The following MTBP variants were observed in gnomAD, a reference collection of about 807,000 sequenced individuals.
The protein encoded by MTBP is MDM2 binding protein.
A neutral mutation model predicts 117.0 loss-of-function variants in MTBP; 101 were observed. The observed-to-expected ratio is 0.86, with a 90% CI of 0.73 to 1.02. MTBP has a LOEUF of 1.02. Ranked by LOEUF, MTBP falls within the 50% of genes least tolerant of loss-of-function variation. MTBP has a pLI of 0.00. For missense variants in MTBP, 970 were observed against 1,030.9 expected, an observed-to-expected ratio of 0.94 and a Z score of 0.81; for synonymous variants, 350 against 351.5, an observed-to-expected ratio of 1.00 and a Z score of 0.05.
chr8:120,506,764 G>A lies in MTBP; in HGVS notation c.1786G>A (p.Asp596Asn). 1 of 1,613,426 alleles carries A rather than the reference G, an allele frequency of 6.2e-7. No homozygotes were observed. Among genetic ancestry groups the A allele is most frequent in the African/African-American group, 1.3e-5 (1 of 74,964 alleles). ...GCTGGGCCACAAAGAGGGTCCTCGGGACTCAATCACATTGTTGGATGCTAA... is the reference window on the plus strand; with the variant it reads ...GCTGGGCCACAAAGAGGGTCCTCGGAACTCAATCACATTGTTGGATGCTAA... ...QLLGHKEGPRDSITLLDAKEL... is the reference protein window; with the variant it reads ...QLLGHKEGPRNSITLLDAKEL... Residue 596 changes from aspartate (D) to asparagine (N), a missense_variant, in exon 16 of 22, where the codon GAC (aspartate) becomes AAC (asparagine). Asp to Asn is a conservative substitution (Grantham distance 23, BLOSUM62 1). Transcript: ENST00000305949.
intron 4 of MTBP, chr8:120,452,723 G>A (rs1813381756): frequency 6.6e-6 from 1 of 151,714 alleles, no homozygotes; most frequent in Non-Finnish European, 1.5e-5. Flanking sequence ...TCAGCTACTC[G>A]GGAGCCTGAG....
rs1260856587 is a variant in MTBP at position 120,496,721 on chromosome 8, GA to G, written c.1448-663del. ...GATGTTCCATACAAAAAAAAAAAAAGAAAAAAAAATGCAAGCAGTGTTGCCT... is the reference window on the plus strand; with the variant it reads ...GATGTTCCATACAAAAAAAAAAAAAGAAAAAAAATGCAAGCAGTGTTGCCT... On this transcript the variant is annotated intron_variant, in intron 13 of 21. Transcript: ENST00000305949. 2.1e-3 allele frequency among the ~76,000 whole-genome samples: 300 copies of G among 142,662 alleles called. 2 individuals carry two copies. Among genetic ancestry groups the G allele is most frequent in the African/African-American group, 7.1e-3 (279 of 39,428 alleles). The allele number at this position is 142,662 out of a possible 152,430, so 93.6% of individuals were successfully genotyped here.
Position 120,470,835 on chromosome 8 carries a change from G to T in MTBP, c.1063G>T (p.Val355Leu). The T allele has an allele frequency of 2.5e-6, 4 of 1,606,198 alleles. No homozygotes were observed. The highest frequency in any genetic ancestry group is 3.4e-6 in the Non-Finnish European group (4 of 1,174,164). ...TTTTATTCAGGTTGGTGCTCTTTTT[G>T]TATTGCCATGTACCATTAGTAACAT... ...SLCSKVGALF[V>L]LPCTISNILI... The change falls in exon 11 of 22, where the codon GTA becomes TTA. Residue 355 changes from valine to leucine, a missense_variant. Transcript: ENST00000305949.
chr8:120,467,211 ATC>A (rs1813717793), intron 10 of MTBP, among the ~76,000 whole-genome samples: 1 of 152,230 alleles, frequency 6.6e-6, no homozygotes, highest in South Asian at 2.1e-4. Flanking sequence ...ATGTTCACTA[ATC>A]TTCTGGCTGG....
chr8:120,495,666 G>A (rs1439878947), intron 13 of MTBP, among the ~76,000 whole-genome samples: 1 of 151,710 alleles, frequency 6.6e-6, no homozygotes, highest in Non-Finnish European at 1.5e-5. Context: ...GTTTTGGGGG[G>A]ATATCTTCCA....
chr8:120,515,964 A>T lies in MTBP; in HGVS notation c.2019A>T (p.Gly673=), dbSNP rs770745687. The T allele has an allele frequency of 6.2e-7, 1 of 1,612,806 alleles. No homozygotes were observed. Among genetic ancestry groups the T allele is most frequent in the South Asian group, 1.1e-5 (1 of 91,014 alleles). Residue 673 remains glycine, a synonymous_variant, in exon 18 of 22, where the codon GGA becomes GGT. Coordinates refer to ENST00000305949, the MANE Select transcript of MTBP (RefSeq NM_022045.5). ...LDDRKALERD[G]GFSELQSRLI... ...ACCGAAAAGCTTTGGAAAGAGATGG[A>T]GGATTTTCTGAACTTCAGTCTCGTC... is the stretch of plus-strand genomic sequence containing the variant.
At chr8:120,504,548 GTATTT>G in intron 15 of MTBP, among the ~76,000 whole-genome samples, 1 of 151,962 alleles carries the variant, frequency 6.6e-6, no homozygotes, top group Non-Finnish European at 1.5e-5. Context: ...TCCTCAATAA[GTATTT>G]TATTTTGTCT....
chr8:120,497,559 GT>G lies in MTBP; in HGVS notation c.1609+11del, dbSNP rs1814496214. 1 of 1,417,138 alleles carries G rather than the reference GT, an allele frequency of 7.1e-7. No homozygotes were observed. The highest frequency in any genetic ancestry group is 9.5e-7 in the Non-Finnish European group (1 of 1,047,516). 87.8% of individuals were successfully genotyped at this position (1,417,138 alleles called of 1,614,324 possible). A position where few individuals can be genotyped will look rare whatever the true frequency, so the allele number is the denominator to read the frequency against. ...AAACCTTCAATATATTAAATGGTAA[GT>G]TTTTTATTACTTTAAATTTTAGTTC... On this transcript the variant is annotated splice_donor_region_variant and intron_variant, in intron 14 of 21. Coordinates refer to ENST00000305949, the MANE Select transcript of MTBP (RefSeq NM_022045.5).
At chr8:120,482,720 G>C (rs1814113849) in intron 11 of MTBP, among the ~76,000 whole-genome samples, 2 of 149,076 alleles carry the variant, frequency 1.3e-5, no homozygotes, top group Non-Finnish European at 3.0e-5. Flanking sequence ...CTTTTTTTGA[G>C]ACGGAGTCTT....
At chr8:120,475,913 C>A (rs1213000909) in intron 11 of MTBP, among the ~76,000 whole-genome samples, 1 of 151,938 alleles carries the variant, frequency 6.6e-6, no homozygotes, top group East Asian at 1.9e-4. Flanking sequence ...AAAATTGTAT[C>A]TCCCATTATT....
chr8:120,466,480 T>C (rs1813697395), intron 10 of MTBP, among the ~76,000 whole-genome samples: 1 of 151,128 alleles, frequency 6.6e-6, no homozygotes, highest in Admixed American at 6.6e-5. Context: ...CCTCCCAAAG[T>C]GCTGGCTTTA....
chr8:120,474,521 T>A (rs751783295), intron 11 of MTBP, among the ~76,000 whole-genome samples: 5 of 152,018 alleles, frequency 3.3e-5, no homozygotes, highest in Non-Finnish European at 5.9e-5. Context: ...TCCTACACCA[T>A]GACTCTGTTT....
At chr8:120,480,597 CCATGGAA>C (rs1814058530) in intron 11 of MTBP, among the ~76,000 whole-genome samples, 1 of 152,010 alleles carries the variant, frequency 6.6e-6, no homozygotes, top group African/African-American at 2.4e-5. Context: ...ATACATAGAT[CCATGGAA>C]CAGAATAGAG....
At chr8:120,464,844 T>C (rs1813655101) in intron 10 of MTBP, among the ~76,000 whole-genome samples, 1 of 152,090 alleles carries the variant, frequency 6.6e-6, no homozygotes, top group Admixed American at 6.5e-5. Context: ...TATTCTACTG[T>C]GTATGAGGTA....
chr8:120,490,644 C>T, intron 13 of MTBP, 74 bp downstream of exon 13: 2 of 846,384 alleles, frequency 2.4e-6, no homozygotes, highest in Non-Finnish European at 1.9e-6. Flanking sequence ...CCTTTATTTG[C>T]ACACTTTTTC....
intron 2 of MTBP, 98 bp downstream of exon 2, chr8:120,446,611 G>T: frequency 1.3e-6 from 1 of 778,650 alleles, no homozygotes; most frequent in Non-Finnish European, 2.2e-6. Flanking sequence ...AATACTTCTT[G>T]ACTGTGTACA....
chr8:120,498,402 A>G (rs1358237806), intron 14 of MTBP, among the ~76,000 whole-genome samples: 3 of 152,168 alleles, frequency 2.0e-5, no homozygotes, highest in African/African-American at 7.2e-5. Context: ...TGCTGGAGAC[A>G]TTTTTAGATT....
At position 120,468,031 on chromosome 8, in the gene MTBP, C is replaced by T. The variant is rs913791592; in HGVS notation, c.1048-2789C>T. 8.5e-5 allele frequency among the ~76,000 whole-genome samples: 13 copies of T among 152,088 alleles called. No individual in the cohort carries two copies. The South Asian group carries it at 1.7e-3, about 19-fold the overall frequency. On this transcript the variant is annotated intron_variant, in intron 10 of 21. Transcript: ENST00000305949. Reference sequence around the variant, plus strand: ...TTACAGCCTTGTCCACCTTTTTAACCGTACAGTCTGGTCACATTTTTTGGG... The same window carrying T: ...TTACAGCCTTGTCCACCTTTTTAACTGTACAGTCTGGTCACATTTTTTGGG...
At chr8:120,466,028 C>T (rs1018457783) in intron 10 of MTBP, among the ~76,000 whole-genome samples, 6 of 151,866 alleles carry the variant, frequency 4.0e-5, no homozygotes, top group Admixed American at 2.0e-4. Context: ...CTTCTCAAAC[C>T]ATGATTGTAA....
Sources: gnomAD v4.1 joint callset for allele counts (sites outside exome capture counted in the v4.1 genomes callset) on GRCh38, gnomAD v4.1.1 for gene constraint, MANE v1.5 for transcripts, NCBI Gene and HGNC (gene_info 2026-07-23, HGNC 2026-07-21) for gene names.